Variants in SKI observed in about 807,000 individuals in gnomAD.
The protein encoded by SKI is ski oncogene.
SKI carries 23 observed loss-of-function variants against 59.3 expected under a neutral mutation model. That is an observed-to-expected ratio of 0.39 (90% CI 0.28 to 0.55). The LOEUF (loss-of-function observed/expected upper bound fraction) is 0.55, where lower values mean the gene tolerates loss of function less well. SKI is among the 20% of genes least tolerant of loss of function. SKI has a pLI of 0.67. For synonymous variants in SKI, 673 were observed against 488.6 expected (o/e 1.38, Z -4.98); for missense variants, 1,017 against 1,038.9 (o/e 0.98, Z 0.29).
At chr1:2,265,057 C>T (rs1409003614) in intron 1 of SKI, among the ~76,000 whole-genome samples, 1 of 152,198 alleles carries the variant, frequency 6.6e-6, no homozygotes, top group African/African-American at 2.4e-5. Flanking sequence ...GGTGATCCAC[C>T]TGCCTTGGCC....
chr1:2,288,821 C>G (rs1221655661), intron 1 of SKI, among the ~76,000 whole-genome samples: 1 of 152,092 alleles, frequency 6.6e-6, no homozygotes, highest in Non-Finnish European at 1.5e-5. Context: ...TCTCAGGTAC[C>G]AAGTTCGTCT....
At chr1:2,264,102 A>C (rs1245049057) in intron 1 of SKI, among the ~76,000 whole-genome samples, 2 of 152,224 alleles carry the variant, frequency 1.3e-5, no homozygotes, top group South Asian at 4.2e-4. Flanking sequence ...TATATAGACT[A>C]TTCAGTTTAT....
intron 1 of SKI, among the ~76,000 whole-genome samples, chr1:2,275,017 G>GT (rs1413663783): frequency 1.3e-5 from 2 of 152,134 alleles, no homozygotes; most frequent in African/African-American, 2.4e-5. Context: ...GTGGAGGCTG[G>GT]GCACCTCTCA....
chr1:2,243,265 C>T (rs997457526), intron 1 of SKI, among the ~76,000 whole-genome samples: 5 of 152,236 alleles, frequency 3.3e-5, no homozygotes, highest in African/African-American at 9.6e-5. Flanking sequence ...ACACGGGCTT[C>T]GTGACCATGT....
chr1:2,265,003 G>T (rs538780673), intron 1 of SKI, among the ~76,000 whole-genome samples: 82 of 152,140 alleles, frequency 5.4e-4, no homozygotes, highest in African/African-American at 1.9e-3. Flanking sequence ...GTAGAGACGG[G>T]GTTTCTCCGT....
At position 2,228,346 on chromosome 1, in the gene SKI, C is replaced by A. The variant is rs1175988782; in HGVS notation, c.-421C>A. Among the ~76,000 whole-genome samples, 3 of 142,816 alleles carry A rather than the reference C, an allele frequency of 2.1e-5. No homozygotes were observed. Among genetic ancestry groups the A allele is most frequent in the African/African-American group, 7.5e-5 (3 of 39,846 alleles). The allele number at this position is 142,816 out of a possible 152,430, so 93.7% of individuals were successfully genotyped here. The stretch of plus-strand genomic sequence containing the variant: ...TCCTCCCGGGCCCCTCGGCCTCGGC[C>A]GCCGCGGCGATTCGCGCCTCGCGGC... On this transcript the variant is annotated 5_prime_UTR_variant, in exon 1 of 7. Coordinates refer to ENST00000378536, the MANE Select transcript of SKI (RefSeq NM_003036.4).
At chr1:2,261,054 T>A (rs1366369384) in intron 1 of SKI, among the ~76,000 whole-genome samples, 2 of 152,210 alleles carry the variant, frequency 1.3e-5, no homozygotes, top group Non-Finnish European at 2.9e-5. Flanking sequence ...TTCAGTGGAG[T>A]TTGTTGTAAA....
intron 1 of SKI, among the ~76,000 whole-genome samples, chr1:2,264,677 C>G (rs995029483): frequency 6.6e-6 from 1 of 152,146 alleles, no homozygotes; most frequent in African/African-American, 2.4e-5. Context: ...TGAGATTACA[C>G]AGGCATGAGC....
At chr1:2,251,500 A>G (rs1326369221) in intron 1 of SKI, among the ~76,000 whole-genome samples, 2 of 152,108 alleles carry the variant, frequency 1.3e-5, no homozygotes, top group Non-Finnish European at 2.9e-5. Context: ...ACGTCCCACC[A>G]CAGTGACGTA....
intron 1 of SKI, among the ~76,000 whole-genome samples, chr1:2,283,910 G>A (rs1406463132): frequency 1.3e-5 from 2 of 152,186 alleles, no homozygotes; most frequent in African/African-American, 2.4e-5. Flanking sequence ...TGGCGGGTGG[G>A]GGCCACTGTG....
chr1:2,294,750 C>T (rs982479967), intron 1 of SKI, among the ~76,000 whole-genome samples: 4 of 152,236 alleles, frequency 2.6e-5, no homozygotes, highest in Non-Finnish European at 4.4e-5. Context: ...TTTGTCTCCC[C>T]GAGAGCCACC....
At chr1:2,233,093 T>G (rs1638677185) in intron 1 of SKI, among the ~76,000 whole-genome samples, 1 of 152,150 alleles carries the variant, frequency 6.6e-6, no homozygotes, top group South Asian at 2.1e-4. Flanking sequence ...CGGCCCCTTG[T>G]CCCGCAGAAC....
chr1:2,238,390 C>T (rs139942751), intron 1 of SKI, among the ~76,000 whole-genome samples: 1 of 152,224 alleles, frequency 6.6e-6, no homozygotes, highest in East Asian at 1.9e-4. Flanking sequence ...GGCGGCCCTG[C>T]GTGGACCTAC....
intron 1 of SKI, among the ~76,000 whole-genome samples, chr1:2,285,651 G>A (rs1199554990): frequency 6.0e-5 from 9 of 148,920 alleles, no homozygotes; most frequent in Admixed American, 2.7e-4. Flanking sequence ...TACAACCTCC[G>A]CCTCCCGGGT....
chr1:2,236,269 G>A (rs926622475), intron 1 of SKI, among the ~76,000 whole-genome samples: 2 of 152,216 alleles, frequency 1.3e-5, no homozygotes, highest in African/African-American at 2.4e-5. Context: ...GCCTGGTCAC[G>A]TCTGGGTCCC....
rs1300491863 is a variant in SKI, at chr1:2,269,135, T to A, written c.970-33843T>A. ...ACGTTTTATATTTTTTGGGTAGAGA[T>A]GGGGTCTCGCCATGTTGTCCAGGCT... On this transcript the variant is annotated intron_variant, in intron 1 of 6. Coordinates refer to ENST00000378536, the MANE Select transcript of SKI (RefSeq NM_003036.4). The surrounding 1 kb of genome is among the most constrained non-coding windows in gnomAD (Gnocchi z 4.7). 6.6e-6 allele frequency among the ~76,000 whole-genome samples: 1 copy of A among 152,090 alleles called. No individual in the cohort carries two copies. The highest frequency in any genetic ancestry group is 2.4e-5 in the African/African-American group (1 of 41,426).
Position 2,303,506 on chromosome 1 carries a change from C to A in SKI, c.1211+106C>A. The A allele has an allele frequency of 1.9e-6, 2 of 1,028,366 alleles. No homozygotes were observed. The highest frequency in any genetic ancestry group is 2.9e-6 in the Non-Finnish European group (2 of 681,300). The allele number at this position is 1,028,366 out of a possible 1,614,324, so 63.7% of individuals were successfully genotyped here. A position where few individuals can be genotyped will look rare whatever the true frequency, so the allele number is the denominator to read the frequency against. On this transcript the variant is annotated intron_variant, in intron 3 of 6. Transcript: ENST00000378536. This position sits in a 1 kb window ranked among gnomAD's most constrained non-coding sequence, Gnocchi z 5.6. ...CTGCAGGCTGGGTGCCCAGACCTGC[C>A]GCCTTTTGGTCAGGGCAGTCTCGGT...
rs4648625 is a variant in SKI, at chr1:2,268,902, G to T, written c.970-34076G>T. Among the ~76,000 whole-genome samples the T allele has an allele frequency of 0.97, 146,001 of 150,118 alleles. 71,011 individuals carry two copies. Among genetic ancestry groups the T allele is most frequent in the East Asian group, 1 (4,950 of 4,952 alleles). On this transcript the variant is annotated intron_variant, in intron 1 of 6. Transcript: ENST00000378536. The surrounding 1 kb of genome is among the most constrained non-coding windows in gnomAD (Gnocchi z 5.0). ...CCCTTTATCCTTTCCCCCCTTCCAT[G>T]TCCATTTCCCTTTTCCCTCCCTCCC...
chr1:2,264,643 G>A (rs1639460602), intron 1 of SKI, among the ~76,000 whole-genome samples: 1 of 151,950 alleles, frequency 6.6e-6, no homozygotes, highest in Admixed American at 6.6e-5. Context: ...CAAGCAGTCT[G>A]CCCTCCCCAG....
Sources: allele counts gnomAD v4.1 joint callset (sites outside exome capture counted in the v4.1 genomes callset), GRCh38; gene constraint gnomAD v4.1.1; non-coding constraint Gnocchi (gnomAD v3.1); transcripts MANE v1.5; gene names NCBI Gene and HGNC (gene_info 2026-07-23, HGNC 2026-07-21).